WDR49: variants seen among roughly 807,000 people sequenced by gnomAD.
The protein encoded by WDR49 is cilia- and flagella-associated protein 337.
A neutral mutation model predicts 119.5 loss-of-function variants in WDR49; 107 were observed. The ratio of observed to expected loss-of-function variants is 0.90; its 90% CI spans 0.77 to 1.05. WDR49 has a LOEUF of 1.05. Ranked by LOEUF, WDR49 falls within the 50% of genes least tolerant of loss-of-function variation. WDR49 has a pLI of 0.00. For synonymous variants in WDR49, 425 were observed against 418.8 expected (o/e 1.01, Z -0.18); for missense variants, 1,240 against 1,220.5 (o/e 1.02, Z -0.24).
intron 12 of WDR49, 119 bp from the exon 13 acceptor site, chr3:167,531,398 G>C (rs1752849950): frequency 1.8e-6 from 2 of 1,090,150 alleles, no homozygotes; most frequent in African/African-American, 3.2e-5. Context: ...AGTCTCACAA[G>C]AGACTTCCAG....
At chr3:167,530,914 A>G (rs983110602) in intron 13 of WDR49, among the ~76,000 whole-genome samples, 2 of 152,092 alleles carry the variant, frequency 1.3e-5, no homozygotes, top group Non-Finnish European at 1.5e-5. Flanking sequence ...ATAAATTAGT[A>G]GTGGGATGTA....
At chr3:167,617,745 G>A (rs1416863403) in intron 5 of WDR49, among the ~76,000 whole-genome samples, 1 of 152,016 alleles carries the variant, frequency 6.6e-6, no homozygotes, top group South Asian at 2.1e-4. Flanking sequence ...TCCTAAGATG[G>A]CTTACCATTC....
At chr3:167,509,888 C>A (rs950505958) in intron 16 of WDR49, among the ~76,000 whole-genome samples, 2 of 152,162 alleles carry the variant, frequency 1.3e-5, no homozygotes. Flanking sequence ...AATGTGCCTA[C>A]TGCATATTTT....
chr3:167,579,104 C>T (rs1471032243), intron 7 of WDR49, among the ~76,000 whole-genome samples: 5 of 152,072 alleles, frequency 3.3e-5, no homozygotes, highest in Admixed American at 2.0e-4. Flanking sequence ...TTCCCCTTCA[C>T]CTTCTGCCAT....
intron 2 of WDR49, among the ~76,000 whole-genome samples, chr3:167,641,481 G>T (rs1333253725): frequency 6.6e-6 from 1 of 151,782 alleles, no homozygotes; most frequent in Non-Finnish European, 1.5e-5. Context: ...ATATACCCTA[G>T]CTGATTTATA....
At chr3:167,604,657 C>T (rs974240112) in intron 5 of WDR49, among the ~76,000 whole-genome samples, 189 bp from the exon 6 acceptor site, 35 of 152,126 alleles carry the variant, frequency 2.3e-4, no homozygotes, top group African/African-American at 8.2e-4. Flanking sequence ...TGAGAAGTTA[C>T]AGGAAATTCT....
chr3:167,547,923 A>G lies in WDR49; in HGVS notation c.1823+6727T>C, dbSNP rs558165225. ...GAAGAAAATACAAAAAGCCTTTTCA[A>G]CTTTGATAATCACTTTTGACTCTTT... is the stretch of plus-strand genomic sequence containing the variant. On this transcript the variant is annotated intron_variant, in intron 10 of 18. Transcript: ENST00000682715. 4.6e-5 allele frequency among the ~76,000 whole-genome samples: 7 copies of G among 152,164 alleles called. No homozygotes were observed. In the South Asian group the frequency reaches 1.5e-3, roughly 32 times the overall value.
chr3:167,559,549 G>A (rs1402749313), intron 9 of WDR49, among the ~76,000 whole-genome samples: 1 of 152,034 alleles, frequency 6.6e-6, no homozygotes, highest in Non-Finnish European at 1.5e-5. Context: ...AGTTTAGAAT[G>A]GATAAGATTA....
intron 18 of WDR49, among the ~76,000 whole-genome samples, chr3:167,499,133 G>A (rs920170955): frequency 2.0e-5 from 3 of 152,244 alleles, no homozygotes; most frequent in African/African-American, 7.2e-5. Context: ...TAATTAGACT[G>A]TAAACTATGG....
At chr3:167,601,063 T>C (rs912902551) in intron 7 of WDR49, among the ~76,000 whole-genome samples, 2 of 151,992 alleles carry the variant, frequency 1.3e-5, no homozygotes, top group African/African-American at 4.8e-5. Context: ...AGTCTGAAAA[T>C]AGAGAGATAT....
chr3:167,616,643 G>C (rs1716609558), intron 5 of WDR49, among the ~76,000 whole-genome samples: 1 of 151,330 alleles, frequency 6.6e-6, no homozygotes, highest in Non-Finnish European at 1.5e-5. Context: ...GAGAGAGAGA[G>C]AAAGAAGAAA....
intron 1 of WDR49, 32 bp from the exon 2 acceptor site, chr3:167,653,531 T>G: frequency 7.4e-7 from 1 of 1,343,546 alleles, no homozygotes. Context: ...AGCAACAGAA[T>G]TCCAAAATGA....
At chr3:167,608,413 T>C (rs1007700697) in intron 5 of WDR49, among the ~76,000 whole-genome samples, 2 of 152,340 alleles carry the variant, frequency 1.3e-5, no homozygotes, top group African/African-American at 4.8e-5. Context: ...AAGAAAGACA[T>C]AGAAAGACGT....
intron 10 of WDR49, among the ~76,000 whole-genome samples, chr3:167,551,489 G>C (rs1712568956): frequency 6.6e-6 from 1 of 151,840 alleles, no homozygotes; most frequent in Admixed American, 6.6e-5. Flanking sequence ...ATATATAATT[G>C]CTGTCTCATG....
intron 8 of WDR49, among the ~76,000 whole-genome samples, chr3:167,571,417 G>C (rs1713931623): frequency 6.6e-6 from 1 of 152,104 alleles, no homozygotes; most frequent in South Asian, 2.1e-4. Flanking sequence ...CAAATTATCT[G>C]ATATTGCATA....
chr3:167,532,934 C>G lies in WDR49; in HGVS notation c.1998G>C (p.Glu666Asp). ...GEIVLWNNST[E>D]NAHHVLHPDY... ...CAGGGTGAAGAACATGGTGAGCATT[C>G]TCTGTGCTATTGTTCCATAGAACAA... Residue 666 changes from glutamate to aspartate, a missense_variant, in exon 12 of 19, where the codon GAG becomes GAC. Coordinates refer to ENST00000682715, the MANE Select transcript of WDR49 (RefSeq NM_001366157.1). 6.2e-7 allele frequency: 1 copy of G among 1,609,858 alleles called. No individual in the cohort carries two copies. The highest frequency in any genetic ancestry group is 8.5e-7 in the Non-Finnish European group (1 of 1,177,202).
intron 7 of WDR49, among the ~76,000 whole-genome samples, chr3:167,580,447 C>A (rs886590284): frequency 6.6e-6 from 1 of 152,114 alleles, no homozygotes; most frequent in East Asian, 1.9e-4. Flanking sequence ...TGGCCCTTTC[C>A]CAGACCGATT....
At chr3:167,632,438 A>G (rs562345765) in intron 2 of WDR49, among the ~76,000 whole-genome samples, 17 of 152,150 alleles carry the variant, frequency 1.1e-4, no homozygotes, top group Non-Finnish European at 2.2e-4. Flanking sequence ...ATTTGACCCA[A>G]AAAGTACAAT....
intron 11 of WDR49, 66 bp downstream of exon 11, chr3:167,536,804 G>A: frequency 3.0e-6 from 4 of 1,345,076 alleles, no homozygotes; most frequent in South Asian, 2.2e-5. Flanking sequence ...CTAAAGGTGA[G>A]TGAGCCAAAA....
Sources: allele counts gnomAD v4.1 joint callset (sites outside exome capture counted in the v4.1 genomes callset), GRCh38; gene constraint gnomAD v4.1.1; transcripts MANE v1.5; gene names NCBI Gene and HGNC (gene_info 2026-07-23, HGNC 2026-07-21).